ROBO2: variants seen among roughly 807,000 people sequenced by gnomAD.
ROBO2 encodes the protein roundabout homolog 2.
A neutral mutation model predicts 160.8 loss-of-function variants in ROBO2; 53 were observed. That is an observed-to-expected ratio of 0.33 (90% CI 0.26 to 0.41). The LOEUF (loss-of-function observed/expected upper bound fraction) is 0.41, where lower values mean the gene tolerates loss of function less well. Among genes scored for constraint, ROBO2 ranks in the 10% least tolerant of loss-of-function variants. The pLI is 1.00. For synonymous variants in ROBO2, 664 were observed against 611.7 expected (o/e 1.09, Z -1.26); for missense variants, 1,577 against 1,722.4 (o/e 0.92, Z 1.49).
At chr3:76,403,326 T>A (rs78443647) in intron 2 of ROBO2, among the ~76,000 whole-genome samples, 13,007 of 151,654 alleles carry the variant, frequency 0.086, 753 homozygotes, top group Middle Eastern at 0.14. Context: ...AATCAGTATT[T>A]TACAGATATC....
intron 2 of ROBO2, among the ~76,000 whole-genome samples, chr3:76,787,412 G>C (rs2063062787): frequency 6.7e-6 from 1 of 149,008 alleles, no homozygotes; most frequent in South Asian, 2.1e-4. Context: ...GACTAGATTT[G>C]GCCCATGGGT....
intron 2 of ROBO2, among the ~76,000 whole-genome samples, chr3:77,417,827 G>A (rs1347462538): frequency 6.6e-6 from 1 of 151,954 alleles, no homozygotes; most frequent in Admixed American, 6.6e-5. Flanking sequence ...TATATTTAAT[G>A]CAATGCTTTT....
intron 2 of ROBO2, among the ~76,000 whole-genome samples, chr3:76,913,758 CTG>C (rs2076134769): frequency 1.3e-5 from 2 of 152,094 alleles, no homozygotes; most frequent in Admixed American, 1.3e-4. Flanking sequence ...AGATGAGTAA[CTG>C]TGAATAATAC....
intron 2 of ROBO2, among the ~76,000 whole-genome samples, chr3:76,463,552 C>G (rs2078204362): frequency 6.6e-6 from 1 of 151,870 alleles, no homozygotes; most frequent in African/African-American, 2.4e-5. Context: ...TACTCCAAAC[C>G]TTTTTTCTCA....
intron 23 of ROBO2, among the ~76,000 whole-genome samples, chr3:77,627,183 T>C (rs920792657): frequency 6.6e-6 from 1 of 152,200 alleles, no homozygotes; most frequent in Non-Finnish European, 1.5e-5. Flanking sequence ...GTGTAATTTT[T>C]ATCTGAGTGA....
chr3:77,548,750 A>G (rs925791548), intron 7 of ROBO2, among the ~76,000 whole-genome samples: 3 of 151,824 alleles, frequency 2.0e-5, no homozygotes, highest in African/African-American at 7.3e-5. Context: ...TCTCTCTCCC[A>G]TCAGAGAGAT....
At chr3:76,372,475 A>T (rs542051379) in intron 2 of ROBO2, among the ~76,000 whole-genome samples, 1 of 151,948 alleles carries the variant, frequency 6.6e-6, no homozygotes, top group Non-Finnish European at 1.5e-5. Flanking sequence ...AATAGTTTTT[A>T]TATGGTAAAA....
At chr3:77,108,294 A>G (rs1374584776) in intron 2 of ROBO2, among the ~76,000 whole-genome samples, 1 of 128,354 alleles carries the variant, frequency 7.8e-6, no homozygotes, top group East Asian at 2.0e-4. Context: ...ATGTATACAC[A>G]TATGCATATA....
intron 2 of ROBO2, among the ~76,000 whole-genome samples, chr3:77,268,669 CA>C (rs2059290621): frequency 1.3e-5 from 2 of 152,202 alleles, no homozygotes; most frequent in South Asian, 2.1e-4. Flanking sequence ...TTATTCCCAT[CA>C]CTTGGATAAG....
At chr3:76,015,214 T>C (rs2066372684) in intron 2 of ROBO2, among the ~76,000 whole-genome samples, 2 of 152,228 alleles carry the variant, frequency 1.3e-5, no homozygotes, top group African/African-American at 4.8e-5. Flanking sequence ...AATGGCTACA[T>C]ATAAAAACAT....
At chr3:77,395,737 T>G (rs1464810060) in intron 2 of ROBO2, among the ~76,000 whole-genome samples, 1 of 152,084 alleles carries the variant, frequency 6.6e-6, no homozygotes, top group East Asian at 1.9e-4. Context: ...ACTAAATTAT[T>G]TATTACCAGA....
At chr3:77,392,876 A>G (rs1657380091) in intron 2 of ROBO2, among the ~76,000 whole-genome samples, 1 of 152,216 alleles carries the variant, frequency 6.6e-6, no homozygotes, top group Non-Finnish European at 1.5e-5. Context: ...TACATACGAA[A>G]CAAATCTTGA....
intron 2 of ROBO2, among the ~76,000 whole-genome samples, chr3:77,396,836 G>A (rs145784102): frequency 6.6e-6 from 1 of 151,976 alleles, no homozygotes; most frequent in Non-Finnish European, 1.5e-5. Flanking sequence ...ACTTATGTGG[G>A]CAATTTATTC....
chr3:77,250,335 C>A (rs561708651), intron 2 of ROBO2, among the ~76,000 whole-genome samples: 1 of 152,310 alleles, frequency 6.6e-6, no homozygotes, highest in South Asian at 2.1e-4. Context: ...CTGGTCTGTG[C>A]TATTCCATAC....
chr3:77,504,929 A>G (rs1465397330), intron 5 of ROBO2, among the ~76,000 whole-genome samples: 3 of 152,228 alleles, frequency 2.0e-5, no homozygotes, highest in South Asian at 2.1e-4. Flanking sequence ...GAATTTTCAT[A>G]AGTGGAATAG....
At chr3:76,106,026 G>C (rs1385466333) in intron 2 of ROBO2, among the ~76,000 whole-genome samples, 1 of 152,020 alleles carries the variant, frequency 6.6e-6, no homozygotes, top group African/African-American at 2.4e-5. Context: ...TCAGGTTAGA[G>C]GTTCAATATT....
chr3:76,098,394 T>A (rs1576847484), intron 2 of ROBO2, among the ~76,000 whole-genome samples: 1 of 152,270 alleles, frequency 6.6e-6, no homozygotes, highest in Non-Finnish European at 1.5e-5. Context: ...TTGTAAATTT[T>A]ATTTTTGATA....
chr3:76,323,382 GA>G (rs977346328), intron 2 of ROBO2, among the ~76,000 whole-genome samples: 29 of 151,988 alleles, frequency 1.9e-4, no homozygotes, highest in African/African-American at 6.8e-4. Flanking sequence ...TTATAGATGT[GA>G]AAATGTTAGA....
intron 2 of ROBO2, among the ~76,000 whole-genome samples, chr3:77,384,973 G>A (rs2073946677): frequency 6.6e-6 from 1 of 152,062 alleles, no homozygotes; most frequent in Admixed American, 6.6e-5. Flanking sequence ...AAACACTCTG[G>A]CTCTGTGGTT....
Sources: allele counts gnomAD v4.1 joint callset (sites outside exome capture counted in the v4.1 genomes callset), GRCh38; gene constraint gnomAD v4.1.1; transcripts MANE v1.5; gene names NCBI Gene and HGNC (gene_info 2026-07-23, HGNC 2026-07-21).